Variants in PLEKHA8 observed in about 807,000 individuals in gnomAD.
PLEKHA8 encodes the protein pleckstrin homology domain-containing family A member 8.
Under a neutral mutation model 68.2 loss-of-function variants are expected in PLEKHA8, and 36 were observed. That is an observed-to-expected ratio of 0.53 (90% confidence interval 0.40 to 0.70). The LOEUF is 0.70. PLEKHA8 is among the 30% of genes least tolerant of loss of function. PLEKHA8 has a pLI of 0.00. For missense variants in PLEKHA8, 505 were observed against 615.4 expected (o/e 0.82, Z 1.90); for synonymous variants, 211 against 216.1 (o/e 0.98, Z 0.20).
chr7:30,112,549 C>A (rs1562555654), intron 13 of PLEKHA8, among the ~76,000 whole-genome samples: 1 of 151,924 alleles, frequency 6.6e-6, no homozygotes, highest in Non-Finnish European at 1.5e-5. Flanking sequence ...TAACTGCACA[C>A]ATTCAAAAAG....
At chr7:30,052,298 A>G (rs1583813358) in intron 6 of PLEKHA8, among the ~76,000 whole-genome samples, 1 of 152,308 alleles carries the variant, frequency 6.6e-6, no homozygotes, top group East Asian at 1.9e-4. Flanking sequence ...TGATTTAACA[A>G]TTCTTTCAGT....
intron 13 of PLEKHA8, among the ~76,000 whole-genome samples, chr7:30,103,785 G>T (rs1037097782): frequency 6.6e-6 from 1 of 152,152 alleles, no homozygotes; most frequent in Admixed American, 6.5e-5. Context: ...TTATATAACT[G>T]AATGTAAAAG....
At chr7:30,100,442 C>T (rs554892358) in intron 13 of PLEKHA8, among the ~76,000 whole-genome samples, 21 of 151,982 alleles carry the variant, frequency 1.4e-4, no homozygotes, top group South Asian at 1.2e-3. Context: ...GTCCCAGCTA[C>T]TCAGGAAGCC....
In PLEKHA8 at chr7:30,040,887, G is replaced by T. The variant is rs532551731; in HGVS notation, c.41-4198G>T. Among the ~76,000 whole-genome samples the T allele has an allele frequency of 6.6e-5, 10 of 152,302 alleles. No individual in the cohort carries two copies. The South Asian group carries it at 2.1e-3, about 32-fold the overall frequency. ...CACATTGCATCTGTAATAGAGGATGGCATAAAAGAGGGTGGAGATTGGATA... is the reference window on the plus strand; with the variant it reads ...CACATTGCATCTGTAATAGAGGATGTCATAAAAGAGGGTGGAGATTGGATA... On this transcript the variant is annotated intron_variant, in intron 1 of 13. Coordinates refer to ENST00000449726, the MANE Select transcript of PLEKHA8 (RefSeq NM_001197026.2).
At chr7:30,066,587 A>C (rs942285512) in intron 12 of PLEKHA8, among the ~76,000 whole-genome samples, 2 of 152,212 alleles carry the variant, frequency 1.3e-5, no homozygotes, top group African/African-American at 4.8e-5. Context: ...GATATGTTTA[A>C]TAATCTGCTT....
chr7:30,072,379 A>G (rs1455451193), intron 12 of PLEKHA8, among the ~76,000 whole-genome samples: 1 of 152,242 alleles, frequency 6.6e-6, no homozygotes, highest in African/African-American at 2.4e-5. Context: ...TTTTGTGAAA[A>G]TTTGAATATG....
At chr7:30,129,813 A>T (rs1796842920), downstream of PLEKHA8, 1 of 155,444 alleles carries the variant, frequency 6.4e-6, no homozygotes, top group Non-Finnish European at 1.4e-5. Context: ...CTTATCCAAG[A>T]TCACACAATT....
intron 13 of PLEKHA8, chr7:30,117,956 T>A (rs1199396629): frequency 6.6e-6 from 10 of 1,519,298 alleles, no homozygotes; most frequent in Non-Finnish European, 8.8e-6. Flanking sequence ...GAGACGTGGA[T>A]TCATTTCTAA....
chr7:30,046,108 C>T (rs1269782210), intron 2 of PLEKHA8, 102 bp from the exon 3 acceptor site: 8 of 1,159,320 alleles, frequency 6.9e-6, no homozygotes, highest in Non-Finnish European at 9.5e-6. Context: ...GGGAAGAAGC[C>T]TTCAATGACT....
Position 30,049,341 on chromosome 7 carries a change from C to G in PLEKHA8, c.556C>G (p.Pro186Ala). The G allele has an allele frequency of 6.2e-7, 1 of 1,614,162 alleles. No individual in the cohort carries two copies. Among genetic ancestry groups the G allele is most frequent in the South Asian group, 1.1e-5 (1 of 91,074 alleles). Residue 186 changes from proline (P) to alanine (A), a missense_variant, in exon 5 of 14, where the codon CCA (proline) becomes GCA (alanine). Pro to Ala is a conservative substitution (Grantham distance 27, BLOSUM62 -1). Coordinates refer to ENST00000449726, the MANE Select transcript of PLEKHA8 (RefSeq NM_001197026.2). ...CACCTCTGAGCTGCTCTACCGCACT[C>G]CACCAGGATCACCTCAGCTGGCCAT... Reference protein sequence around the residue: ...AFTSELLYRTPPGSPQLAMLK... With the variant: ...AFTSELLYRTAPGSPQLAMLK...
At chr7:30,094,343 C>T (rs1299732591), downstream of PLEKHA8, among the ~76,000 whole-genome samples, 5 of 150,482 alleles carry the variant, frequency 3.3e-5, no homozygotes, top group African/African-American at 9.8e-5. Flanking sequence ...GGCGCAATCT[C>T]GGCTCACTGC....
At chr7:30,102,105 A>G (rs1360636586) in intron 13 of PLEKHA8, among the ~76,000 whole-genome samples, 1 of 152,198 alleles carries the variant, frequency 6.6e-6, no homozygotes, top group Non-Finnish European at 1.5e-5. Flanking sequence ...CAAACAACCC[A>G]ATTTAAAAAT....
At chr7:30,121,944 A>G (rs1236154366) in intron 13 of PLEKHA8, among the ~76,000 whole-genome samples, 1 of 152,186 alleles carries the variant, frequency 6.6e-6, no homozygotes, top group Admixed American at 6.5e-5. Context: ...CTATCTTGGT[A>G]TGATTGCCAC....
Position 30,046,379 on chromosome 7 carries a change from G to T in PLEKHA8, c.313+14G>T. On this transcript the variant is annotated intron_variant, in intron 3 of 13. Coordinates refer to ENST00000449726, the MANE Select transcript of PLEKHA8 (RefSeq NM_001197026.2). Reference sequence around the variant, plus strand: ...AGAAGGAGAAAGGCAAGTACTGATTGTCCTTTGCTGTGGAAACCTTGGGAA... The same window carrying T: ...AGAAGGAGAAAGGCAAGTACTGATTTTCCTTTGCTGTGGAAACCTTGGGAA... 1 of 1,566,462 alleles carries T rather than the reference G, an allele frequency of 6.4e-7. No homozygotes were observed.
At chr7:30,044,277 T>G (rs1159272666) in intron 1 of PLEKHA8, among the ~76,000 whole-genome samples, 1 of 152,114 alleles carries the variant, frequency 6.6e-6, no homozygotes, top group Non-Finnish European at 1.5e-5. Context: ...AGTGCTGGGA[T>G]TACAGGCGTG....
chr7:30,096,536 C>T (rs1484703858), intron 13 of PLEKHA8, among the ~76,000 whole-genome samples: 1 of 152,146 alleles, frequency 6.6e-6, no homozygotes, highest in Non-Finnish European at 1.5e-5. Flanking sequence ...TGCCTGATTG[C>T]CCTGGCCAGA....
intron 13 of PLEKHA8, among the ~76,000 whole-genome samples, chr7:30,109,152 A>G (rs1338470912): frequency 6.6e-6 from 1 of 152,182 alleles, no homozygotes; most frequent in African/African-American, 2.4e-5. Flanking sequence ...AAAGTGCACT[A>G]AAGGTATGTC....
intron 1 of PLEKHA8, among the ~76,000 whole-genome samples, chr7:30,041,903 T>C (rs1400160081): frequency 6.6e-6 from 1 of 152,230 alleles, no homozygotes; most frequent in Admixed American, 6.5e-5. Context: ...GGTAGAGTTT[T>C]TTTCTTTCTT....
chr7:30,067,692 A>T (rs376065470), intron 12 of PLEKHA8, among the ~76,000 whole-genome samples: 54 of 152,322 alleles, frequency 3.5e-4, no homozygotes, highest in African/African-American at 1.3e-3. Context: ...AGCATCTAGC[A>T]TTGGACTACA....
Sources: allele counts gnomAD v4.1 joint callset (sites outside exome capture counted in the v4.1 genomes callset), GRCh38; gene constraint gnomAD v4.1.1; transcripts MANE v1.5; gene names NCBI Gene and HGNC (gene_info 2026-07-23, HGNC 2026-07-21).